Variants in EPHA5 observed in about 807,000 individuals in gnomAD.
The protein encoded by EPHA5 is EPH receptor A5.
Under a neutral mutation model 105.0 loss-of-function variants are expected in EPHA5, and 60 were observed. That is an observed-to-expected ratio of 0.57 (90% confidence interval 0.46 to 0.71). The LOEUF (loss-of-function observed/expected upper bound fraction) is 0.71, where lower values mean the gene tolerates loss of function less well. EPHA5 is among the 30% of genes least tolerant of loss of function. EPHA5 has a pLI of 0.00. For missense variants in EPHA5, 1,218 were observed against 1,274.7 expected (o/e 0.96, Z 0.68); for synonymous variants, 513 against 449.1 (o/e 1.14, Z -1.80).
At chr4:65,388,266 C>A (rs1720333646) in intron 8 of EPHA5, among the ~76,000 whole-genome samples, 1 of 151,164 alleles carries the variant, frequency 6.6e-6, no homozygotes, top group Admixed American at 6.6e-5. Context: ...TGAATAGTGC[C>A]ACAATAAACA....
rs2148814048 is a variant in EPHA5 at position 65,336,107 on chromosome 4, C to T, written c.2614G>A (p.Glu872Lys). The T allele has an allele frequency of 6.2e-7, 1 of 1,611,194 alleles. No homozygotes were observed. The highest frequency in any genetic ancestry group is 1.3e-5 in the African/African-American group (1 of 74,816). Residue 872 changes from glutamate (E) to lysine (K), a missense_variant, in exon 15 of 17, where the codon GAA (glutamate) becomes AAA (lysine). Coordinates refer to ENST00000613740, the MANE Select transcript of EPHA5 (RefSeq NM_001281766.3). ...TNQDVIKAVEEGYRLPSPMDC... is the reference protein window; with the variant it reads ...TNQDVIKAVEKGYRLPSPMDC... ...ATGGGGCTTGGCAGACGATAGCCTT[C>T]CTCTACCGCTTTAATCACCTGTATA...
chr4:65,396,445 C>A (rs918263402), intron 8 of EPHA5, among the ~76,000 whole-genome samples: 1 of 152,140 alleles, frequency 6.6e-6, no homozygotes, highest in Non-Finnish European at 1.5e-5. Context: ...AAAAGCAGGC[C>A]ACCCTGCAAG....
At chr4:65,616,372 T>C (rs1375643146) in intron 2 of EPHA5, among the ~76,000 whole-genome samples, 1 of 151,194 alleles carries the variant, frequency 6.6e-6, no homozygotes, top group East Asian at 1.9e-4. Context: ...TTTGGTATCA[T>C]ACAGGTGGTG....
At chr4:65,387,242 T>A (rs1720190198) in intron 8 of EPHA5, among the ~76,000 whole-genome samples, 2 of 151,930 alleles carry the variant, frequency 1.3e-5, no homozygotes, top group African/African-American at 4.8e-5. Context: ...CAAGCTGGGT[T>A]ATTTCAGAGT....
intron 3 of EPHA5, among the ~76,000 whole-genome samples, chr4:65,556,265 T>C (rs1423436916): frequency 6.6e-6 from 1 of 152,138 alleles, no homozygotes; most frequent in Non-Finnish European, 1.5e-5. Context: ...TTGCATGAAC[T>C]ACTGTGATGT....
chr4:65,507,243 A>T (rs942444865), intron 3 of EPHA5, among the ~76,000 whole-genome samples: 8 of 152,150 alleles, frequency 5.3e-5, no homozygotes, highest in Non-Finnish European at 1.2e-4. Flanking sequence ...TTTTGGTACC[A>T]GTACCATGCT....
intron 15 of EPHA5, among the ~76,000 whole-genome samples, chr4:65,332,760 T>A (rs939447025): frequency 6.6e-6 from 1 of 151,872 alleles, no homozygotes; most frequent in Non-Finnish European, 1.5e-5. Context: ...TTAGATATAC[T>A]ACTCTTTGTT....
chr4:65,367,239 A>G lies in EPHA5; in HGVS notation c.1861+118T>C, dbSNP rs1577931799. On this transcript the variant is annotated intron_variant, in intron 9 of 16. Transcript: ENST00000613740. ...AATGTAACAAATAGAACACTTTTAA[A>G]AAAAAAAAAAACAATATTTTGGTCA... is the stretch of plus-strand genomic sequence containing the variant. 11 of 865,958 alleles carry G rather than the reference A, an allele frequency of 1.3e-5. No individual in the cohort carries two copies. The East Asian group carries it at 3.0e-4, about 24-fold the overall frequency. 53.6% of individuals were successfully genotyped at this position (865,958 alleles called of 1,614,324 possible).
intron 1 of EPHA5, 84 bp from the exon 2 acceptor site, chr4:65,643,511 G>T (rs1234446826): frequency 1.3e-5 from 15 of 1,160,638 alleles, no homozygotes; most frequent in Non-Finnish European, 1.8e-5. Flanking sequence ...TATTAAAATT[G>T]CATGTTGTTT....
At chr4:65,347,563 C>T (rs1419419023) in intron 14 of EPHA5, among the ~76,000 whole-genome samples, 2 of 152,084 alleles carry the variant, frequency 1.3e-5, no homozygotes. Flanking sequence ...TCTGGTATTT[C>T]TTTCAAGTTA....
At chr4:65,631,719 C>A in intron 2 of EPHA5, among the ~76,000 whole-genome samples, 1 of 123,800 alleles carries the variant, frequency 8.1e-6, no homozygotes. Flanking sequence ...GGACATGTAC[C>A]CTAAAACTTA....
intron 15 of EPHA5, among the ~76,000 whole-genome samples, chr4:65,335,208 T>C (rs1021122139): frequency 2.0e-5 from 3 of 152,010 alleles, no homozygotes; most frequent in African/African-American, 4.8e-5. Flanking sequence ...AATAACAATC[T>C]GGTAAATTTT....
intron 5 of EPHA5, among the ~76,000 whole-genome samples, chr4:65,487,821 A>T (rs1183706435): frequency 6.6e-6 from 1 of 152,134 alleles, no homozygotes; most frequent in Non-Finnish European, 1.5e-5. Context: ...AGCTGGCTCT[A>T]TGTGTATTAA....
chr4:65,575,865 T>A (rs886155693), intron 3 of EPHA5, among the ~76,000 whole-genome samples: 3 of 150,964 alleles, frequency 2.0e-5, no homozygotes, highest in South Asian at 2.1e-4. Context: ...TAATCCCAGC[T>A]ACTTGGGAGG....
chr4:65,420,361 C>T lies in EPHA5; in HGVS notation c.1527+80G>A, dbSNP rs1049824446. On this transcript the variant is annotated intron_variant, in intron 6 of 16. Transcript: ENST00000613740. ...TTTACACATAAAATTGCAACATACTCTTCTGCAAGTTGGATAATTGTAGTT... is the reference window on the plus strand; with the variant it reads ...TTTACACATAAAATTGCAACATACTTTTCTGCAAGTTGGATAATTGTAGTT... 1.0e-5 allele frequency: 14 copies of T among 1,383,694 alleles called. No individual in the cohort carries two copies. The East Asian group carries it at 1.4e-4, about 14-fold the overall frequency. 85.7% of individuals were successfully genotyped at this position (1,383,694 alleles called of 1,614,324 possible). A position where few individuals can be genotyped will look rare whatever the true frequency, so the allele number is the denominator to read the frequency against.
intron 1 of EPHA5, among the ~76,000 whole-genome samples, chr4:65,645,612 AC>A: frequency 6.7e-6 from 1 of 150,004 alleles, no homozygotes; most frequent in African/African-American, 2.4e-5. Flanking sequence ...TACCATTTTT[AC>A]CTTTTTTTTT....
intron 3 of EPHA5, among the ~76,000 whole-genome samples, chr4:65,547,190 CAG>C: frequency 6.6e-6 from 1 of 151,710 alleles, no homozygotes; most frequent in African/African-American, 2.4e-5. Flanking sequence ...ATGGCAATGA[CAG>C]GGCATTCTGG....
At chr4:65,358,207 T>C (rs1292978651) in intron 11 of EPHA5, among the ~76,000 whole-genome samples, 1 of 151,526 alleles carries the variant, frequency 6.6e-6, no homozygotes, top group East Asian at 1.9e-4. Context: ...ATAGGCTTAT[T>C]ATTTTTATTT....
At chr4:65,376,384 T>G (rs1423090336) in intron 8 of EPHA5, among the ~76,000 whole-genome samples, 1 of 152,072 alleles carries the variant, frequency 6.6e-6, no homozygotes, top group Non-Finnish European at 1.5e-5. Flanking sequence ...AGGATTTGTA[T>G]TTATAAATAA....
Sources: gnomAD v4.1 joint callset for allele counts (sites outside exome capture counted in the v4.1 genomes callset) on GRCh38, gnomAD v4.1.1 for gene constraint, MANE v1.5 for transcripts, NCBI Gene and HGNC (gene_info 2026-07-23, HGNC 2026-07-21) for gene names.